The following ICE1 variants were observed in gnomAD, a reference collection of about 807,000 sequenced individuals.
ICE1 encodes interactor of little elongation complex ELL subunit 1, also known as little elongation complex subunit 1.
A neutral mutation model predicts 192.7 loss-of-function variants in ICE1; 64 were observed. That is an observed-to-expected ratio of 0.33 (90% CI 0.27 to 0.41). The LOEUF is 0.41. Ranked by LOEUF, ICE1 falls within the 10% of genes least tolerant of loss-of-function variation. The pLI is 1.00. For missense variants in ICE1, 2,708 were observed against 2,696.0 expected (o/e 1.00, Z -0.10); for synonymous variants, 1,010 against 984.5 (o/e 1.03, Z -0.49).
intron 10 of ICE1, among the ~76,000 whole-genome samples, chr5:5,452,374 A>G (rs1053660204): frequency 2.0e-5 from 3 of 152,018 alleles, no homozygotes; most frequent in Non-Finnish European, 2.9e-5. Flanking sequence ...GAACATATAC[A>G]TTGTACCGTT....
chr5:5,463,899 G>A lies in ICE1; in HGVS notation c.4565G>A (p.Ser1522Asn). 1 of 1,613,432 alleles carries A rather than the reference G, an allele frequency of 6.2e-7. No homozygotes were observed. Among genetic ancestry groups the A allele is most frequent in the East Asian group, 2.2e-5 (1 of 44,876 alleles). Reference protein sequence around the residue: ...NRPVKPSIWISSQIYDQNFET... With the variant: ...NRPVKPSIWINSQIYDQNFET... ...CCCGTTAAGCCTAGTATATGGATTAGTTCTCAAATCTATGATCAAAACTTC... is the reference window on the plus strand; with the variant it reads ...CCCGTTAAGCCTAGTATATGGATTAATTCTCAAATCTATGATCAAAACTTC... Residue 1522 changes from serine to asparagine, a missense_variant, in exon 13 of 19, where the codon AGT (serine) becomes AAT (asparagine). This residue lies in a region of ICE1 where 2,366 missense variants were observed against 2,276.6 expected (regional missense o/e 1.04). Transcript: ENST00000296564.
intron 17 of ICE1, among the ~76,000 whole-genome samples, chr5:5,482,648 C>T (rs1217515214): frequency 6.6e-6 from 1 of 152,138 alleles, no homozygotes; most frequent in Non-Finnish European, 1.5e-5. Flanking sequence ...AGATGGGACT[C>T]AGAGCGAGGC....
intron 17 of ICE1, 33 bp downstream of exon 17, chr5:5,476,112 T>C (rs746452411): frequency 1.6e-5 from 21 of 1,303,906 alleles, no homozygotes; most frequent in Non-Finnish European, 2.1e-5. Context: ...GTTTTTTTCT[T>C]GTTATTGATA....
intron 7 of ICE1, among the ~76,000 whole-genome samples, chr5:5,446,405 C>T (rs915122917): frequency 1.3e-5 from 2 of 152,026 alleles, no homozygotes; most frequent in African/African-American, 4.8e-5. Flanking sequence ...GGTGATTATT[C>T]CACCTCCTGA....
At chr5:5,475,930 G>C (rs1739292244) in intron 16 of ICE1, 43 bp from the exon 17 acceptor site, 1 of 1,126,562 alleles carries the variant, frequency 8.9e-7, no homozygotes, top group Non-Finnish European at 1.3e-6. Flanking sequence ...AGTATTATTT[G>C]AGTGATGATG....
At chr5:5,459,940 C>T (rs1364029283) in intron 12 of ICE1, among the ~76,000 whole-genome samples, 1 of 152,076 alleles carries the variant, frequency 6.6e-6, no homozygotes, top group Non-Finnish European at 1.5e-5. Flanking sequence ...TCTGTGAGGA[C>T]ATGTTGGGGA....
In ICE1 at chr5:5,451,333, C is replaced by A. The variant is rs554211137; in HGVS notation, c.605-3219C>A. ...TACATTGTCACTTTAGAAATAAATA[C>A]GGAGAATGAAGTGTTTAACTGAAAG... On this transcript the variant is annotated intron_variant, in intron 10 of 18. Coordinates refer to ENST00000296564, the MANE Select transcript of ICE1 (RefSeq NM_015325.3). 1.6e-4 allele frequency among the ~76,000 whole-genome samples: 24 copies of A among 151,924 alleles called. 1 individual carries two copies. The highest frequency in any genetic ancestry group is 1.4e-3 in the Admixed American group (22 of 15,262).
rs1738785454 is a variant in ICE1 at position 5,461,696 on chromosome 5, A to C, written c.2362A>C (p.Ser788Arg). 6.2e-7 allele frequency: 1 copy of C among 1,613,750 alleles called. No individual in the cohort carries two copies. The highest frequency in any genetic ancestry group is 1.1e-5 in the South Asian group (1 of 91,058). ...CAAGAGTGGTTTGGGTTTTGTTAAAAGTACTTCATGGCACCATAGTGATTT... is the reference window on the plus strand; with the variant it reads ...CAAGAGTGGTTTGGGTTTTGTTAAACGTACTTCATGGCACCATAGTGATTT... Reference protein sequence around the residue: ...LIKSGLGFVKSTSWHHSDLLR... With the variant: ...LIKSGLGFVKRTSWHHSDLLR... Residue 788 changes from serine to arginine, a missense_variant, in exon 13 of 19, where the codon AGT (serine) becomes CGT (arginine). By Grantham distance (110) the Ser-to-Arg change is moderately radical (BLOSUM62 -1). Around this residue, in one of 2 missense-constraint regions of ICE1, gnomAD observed 2,366 missense variants for 2,276.6 expected, o/e 1.04. Transcript: ENST00000296564.
At chr5:5,444,444 A>G (rs1258548861) in intron 7 of ICE1, 118 bp downstream of exon 7, 3 of 684,634 alleles carry the variant, frequency 4.4e-6, no homozygotes, top group Admixed American at 2.7e-5. Flanking sequence ...TGGTACATCC[A>G]TGGATGACTG....
chr5:5,470,284 A>G (rs1290250785), intron 15 of ICE1, among the ~76,000 whole-genome samples: 1 of 152,266 alleles, frequency 6.6e-6, no homozygotes, highest in African/African-American at 2.4e-5. Context: ...ACTTGCCTTC[A>G]GAGGGTTACC....
Position 5,468,884 on chromosome 5 carries a change from T to G in ICE1, c.6118T>G (p.Phe2040Val). 6.2e-7 allele frequency: 1 copy of G among 1,605,684 alleles called. No individual in the cohort carries two copies. Among genetic ancestry groups the G allele is most frequent in the Non-Finnish European group, 8.5e-7 (1 of 1,176,484 alleles). The change falls in exon 15 of 19, where the codon TTT becomes GTT. Residue 2040 changes from phenylalanine (F) to valine (V), a missense_variant. Physicochemically the swap from Phe to Val is conservative, Grantham distance 50. Coordinates refer to ENST00000296564, the MANE Select transcript of ICE1 (RefSeq NM_015325.3). ...TATTGCAAACATGTGGCATGATATA[T>G]TTCTCTCTCAATCGGTGATTAATAA... ...LFIANMWHDI[F>V]LSQSVINKAM... is the part of the protein sequence containing the mutation.
chr5:5,443,066 G>A (rs2578554), intron 5 of ICE1, 102 bp from the exon 6 acceptor site: 249,034 of 623,898 alleles, frequency 0.4, 52,373 homozygotes, highest in East Asian at 0.6. Context: ...TCTGCCTAAT[G>A]TCTGTTTATT....
chr5:5,489,099 G>T, intron 18 of ICE1, 50 bp from the exon 19 acceptor site: 1 of 1,538,710 alleles, frequency 6.5e-7, no homozygotes, highest in South Asian at 1.2e-5. Context: ...CTAAAATTTT[G>T]AATAACAGAT....
intron 6 of ICE1, 30 bp from the exon 7 acceptor site, chr5:5,444,259 G>T (rs1047009845): frequency 1.3e-6 from 2 of 1,495,208 alleles, no homozygotes; most frequent in Non-Finnish European, 9.1e-7. Context: ...TCTCTTTCTT[G>T]CCATTTAACT....
intron 3 of ICE1, 126 bp downstream of exon 3, chr5:5,437,240 G>A (rs141686260): frequency 1.1e-5 from 7 of 664,054 alleles, no homozygotes; most frequent in African/African-American, 1.8e-5. Flanking sequence ...TCAGTAGGGA[G>A]CATGTCTCAC....
chr5:5,485,408 G>A (rs981125500), intron 17 of ICE1, among the ~76,000 whole-genome samples: 13 of 151,992 alleles, frequency 8.6e-5, no homozygotes, highest in African/African-American at 2.9e-4. Context: ...ATTCATTCTC[G>A]TGTGTTTTTC....
Position 5,447,517 on chromosome 5 carries a change from A to T in ICE1, c.507+8A>T. 6.5e-7 allele frequency: 1 copy of T among 1,544,456 alleles called. No individual in the cohort carries two copies. The highest frequency in any genetic ancestry group is 1.2e-5 in the South Asian group (1 of 83,724). On this transcript the variant is annotated splice_region_variant and intron_variant, in intron 8 of 18. Coordinates refer to ENST00000296564, the MANE Select transcript of ICE1 (RefSeq NM_015325.3). ...GAATTTAAGAAGACACAGGTACTAG[A>T]TAAAAGCAGCATACACACACCTTAA...
chr5:5,429,452 T>A (rs144222260), intron 1 of ICE1, among the ~76,000 whole-genome samples: 118 of 152,272 alleles, frequency 7.7e-4, no homozygotes, highest in African/African-American at 2.8e-3. Flanking sequence ...ACACACACCT[T>A]GGAGCTTGGG....
chr5:5,451,574 C>T (rs531241777), intron 10 of ICE1, among the ~76,000 whole-genome samples: 7 of 152,214 alleles, frequency 4.6e-5, no homozygotes, highest in African/African-American at 1.7e-4. Context: ...AGTTCATATT[C>T]AGATGTGAAA....
Sources: gnomAD v4.1 joint callset for allele counts (sites outside exome capture counted in the v4.1 genomes callset) on GRCh38, gnomAD v4.1.1 for gene constraint, gnomAD v4.1.1 regional missense constraint, MANE v1.5 for transcripts, NCBI Gene and HGNC (gene_info 2026-07-23, HGNC 2026-07-21) for gene names.